Variants in NAA11 observed in about 807,000 individuals in gnomAD.
NAA11 encodes N-alpha-acetyltransferase 11.
In NAA11, 15 loss-of-function variants were observed where a neutral mutation model predicts 16.1. That is an observed-to-expected ratio of 0.93 (90% CI 0.62 to 1.44). The LOEUF is 1.44. Ranked by LOEUF, NAA11 falls within the 40% of genes most tolerant of loss-of-function variation. The probability of loss-of-function intolerance (pLI) is 0.00; values close to 1 mark genes in which losing one functional copy is unlikely to be tolerated. For missense variants in NAA11, 298 were observed against 291.3 expected (o/e 1.02, Z -0.17); for synonymous variants, 122 against 112.4 (o/e 1.09, Z -0.54).
the NAA11 span, among the ~76,000 whole-genome samples, chr4:79,213,173 C>CA: frequency 6.6e-6 from 1 of 152,132 alleles, no homozygotes; most frequent in Non-Finnish European, 1.5e-5. Flanking sequence ...CAGCAACTGC[C>CA]AAAAGCACAG....
the NAA11 span, among the ~76,000 whole-genome samples, chr4:79,178,933 C>A: frequency 3.3e-5 from 5 of 152,086 alleles, no homozygotes; most frequent in African/African-American, 1.2e-4. Context: ...AAGAACTTGG[C>A]AAGTTTCTGA....
intron 2 of NAA11, among the ~76,000 whole-genome samples, chr4:79,288,997 T>G (rs765803998): frequency 6.6e-6 from 1 of 152,234 alleles, no homozygotes; most frequent in Non-Finnish European, 1.5e-5. Flanking sequence ...AACATTCCAC[T>G]GGTATGATGT....
At chr4:79,222,733 A>G (rs1360367805), downstream of NAA11, among the ~76,000 whole-genome samples, 3 of 149,914 alleles carry the variant, frequency 2.0e-5, no homozygotes, top group Non-Finnish European at 4.5e-5. Context: ...GAAAATTTTC[A>G]CAACCTACTC....
chr4:79,173,674 A>G, the NAA11 span, among the ~76,000 whole-genome samples: 3 of 152,242 alleles, frequency 2.0e-5, no homozygotes, highest in African/African-American at 7.2e-5. Flanking sequence ...AGAAAAGAGA[A>G]GATATTCTCG....
chr4:79,228,011 T>C (rs1721362737), intron 2 of NAA11: 1 of 152,054 alleles, frequency 6.6e-6, no homozygotes, highest in Non-Finnish European at 1.5e-5. Context: ...CTTTTCCATC[T>C]TGTGGTTTAT....
the NAA11 span, among the ~76,000 whole-genome samples, chr4:79,181,065 C>A: frequency 6.6e-6 from 1 of 151,958 alleles, no homozygotes; most frequent in African/African-American, 2.4e-5. Flanking sequence ...GAACATCACA[C>A]ACCGGGGCGT....
the NAA11 span, among the ~76,000 whole-genome samples, chr4:79,202,623 TTATATATATA>T: frequency 0.039 from 2,071 of 52,640 alleles, 217 homozygotes; most frequent in South Asian, 0.065. Context: ...ATATATAGTT[TTATATATATA>T]TATATATATA....
downstream of NAA11, among the ~76,000 whole-genome samples, chr4:79,313,434 C>A (rs760237502): frequency 3.9e-5 from 6 of 152,154 alleles, no homozygotes; most frequent in Non-Finnish European, 5.9e-5. Context: ...CTCTATTGAA[C>A]CACCTCTTGT....
intron 2 of NAA11, among the ~76,000 whole-genome samples, chr4:79,251,213 A>T (rs567404063): frequency 6.6e-6 from 1 of 152,242 alleles, no homozygotes; most frequent in Non-Finnish European, 1.5e-5. Context: ...TAGGAAACAC[A>T]TGAAATCAAC....
At chr4:79,251,980 G>C (rs1560424574) in intron 2 of NAA11, among the ~76,000 whole-genome samples, 1 of 148,096 alleles carries the variant, frequency 6.8e-6, no homozygotes. Context: ...AGAAAATGCG[G>C]TATATATTCA....
chr4:79,223,095 C>T (rs1275779264), downstream of NAA11, among the ~76,000 whole-genome samples: 3 of 149,704 alleles, frequency 2.0e-5, no homozygotes, highest in East Asian at 5.9e-4. Context: ...GGCGATTCCT[C>T]AGGGATCTAG....
At chr4:79,237,920 C>A (rs1721606394) in intron 2 of NAA11, among the ~76,000 whole-genome samples, 1 of 151,842 alleles carries the variant, frequency 6.6e-6, no homozygotes, top group Non-Finnish European at 1.5e-5. Flanking sequence ...AGATTAGAAG[C>A]TATATTGCTA....
At chr4:79,200,055 T>G in the NAA11 span, among the ~76,000 whole-genome samples, 1 of 151,782 alleles carries the variant, frequency 6.6e-6, no homozygotes, top group Non-Finnish European at 1.5e-5. Flanking sequence ...CTTCAAATAT[T>G]TATTCAAATA....
the NAA11 span, among the ~76,000 whole-genome samples, chr4:79,211,283 A>T: frequency 6.6e-6 from 1 of 152,146 alleles, no homozygotes; most frequent in African/African-American, 2.4e-5. Context: ...AGATGAGAAG[A>T]ATTTATAATA....
chr4:79,224,765 T>C (rs1308758251), downstream of NAA11, among the ~76,000 whole-genome samples: 3 of 152,108 alleles, frequency 2.0e-5, no homozygotes, highest in African/African-American at 7.2e-5. Flanking sequence ...TGGGATCAGA[T>C]GAACAAGGTC....
chr4:79,189,181 AGATATTT>A, the NAA11 span, among the ~76,000 whole-genome samples: 1 of 149,196 alleles, frequency 6.7e-6, no homozygotes, highest in African/African-American at 2.5e-5. Flanking sequence ...AAGGAGGCAG[AGATATTT>A]CAAAGAGACA....
chr4:79,249,759 G>C (rs528579558), intron 2 of NAA11, among the ~76,000 whole-genome samples: 1 of 152,120 alleles, frequency 6.6e-6, no homozygotes, highest in South Asian at 2.1e-4. Flanking sequence ...AAAACACAGA[G>C]AACCCTTACA....
chr4:79,188,402 G>A, the NAA11 span, among the ~76,000 whole-genome samples: 3 of 152,078 alleles, frequency 2.0e-5, no homozygotes, highest in African/African-American at 7.2e-5. Context: ...TGGCTAACGC[G>A]GTGAAACCCC....
downstream of NAA11, among the ~76,000 whole-genome samples, chr4:79,315,796 C>T (rs112151035): frequency 1.6e-4 from 25 of 152,298 alleles, 1 homozygote; most frequent in African/African-American, 5.5e-4. Flanking sequence ...TGCTAAATCA[C>T]CGCTACTGTC....
Sources: allele counts gnomAD v4.1 joint callset (sites outside exome capture counted in the v4.1 genomes callset), GRCh38; gene constraint gnomAD v4.1.1; transcripts MANE v1.5; gene names NCBI Gene and HGNC (gene_info 2026-07-23, HGNC 2026-07-21).